PKD1L3: variants seen among roughly 807,000 people sequenced by gnomAD.
PKD1L3 encodes polycystin 1 like 3, transient receptor potential channel interacting, also known as polycystin-1-like protein 3.
In PKD1L3, 239 loss-of-function variants were observed where a neutral mutation model predicts 184.1. That is an observed-to-expected ratio of 1.30 (90% CI 1.17 to 1.45). The LOEUF is 1.45. Ranked by LOEUF, PKD1L3 falls within the 40% of genes most tolerant of loss-of-function variation. The pLI, the probability that PKD1L3 is intolerant of heterozygous loss-of-function variation, is 0.00. For synonymous variants in PKD1L3, 996 were observed against 778.8 expected, an observed-to-expected ratio of 1.28 and a Z score of -4.64; for missense variants, 2,660 against 2,067.2, an observed-to-expected ratio of 1.29 and a Z score of -5.56.
intron 14 of PKD1L3, 111 bp from the exon 15 acceptor site, chr16:71,967,426 G>C: frequency 9.4e-7 from 1 of 1,066,842 alleles, no homozygotes; most frequent in Non-Finnish European, 1.3e-6. Flanking sequence ...CAAGTCTTTC[G>C]GATCTTAGAC....
At chr16:71,975,377 G>GT (rs886673901) in intron 11 of PKD1L3, among the ~76,000 whole-genome samples, 2 of 151,980 alleles carry the variant, frequency 1.3e-5, no homozygotes, top group Non-Finnish European at 2.9e-5. Flanking sequence ...TAACTGTAAT[G>GT]TTATGTCTCA....
chr16:71,949,673 T>C, intron 21 of PKD1L3, 110 bp downstream of exon 21: 1 of 1,034,650 alleles, frequency 9.7e-7, no homozygotes, highest in South Asian at 1.7e-5. Flanking sequence ...ATTTGTTTTT[T>C]GTTGTTTATG....
chr16:71,970,515 A>C (rs1383407697), intron 12 of PKD1L3, among the ~76,000 whole-genome samples: 1 of 152,212 alleles, frequency 6.6e-6, no homozygotes, highest in African/African-American at 2.4e-5. Flanking sequence ...AGCAGTTAAA[A>C]ATGAATGAAT....
At chr16:71,948,281 C>G (rs374487481) in intron 21 of PKD1L3, among the ~76,000 whole-genome samples, 9 of 152,120 alleles carry the variant, frequency 5.9e-5, no homozygotes, top group Non-Finnish European at 1.2e-4. Context: ...CACGGTTTCG[C>G]CATGTTGGCC....
chr16:71,935,243 C>T (rs773389136), intron 26 of PKD1L3, 115 bp downstream of exon 26: 1 of 1,168,308 alleles, frequency 8.6e-7, no homozygotes, highest in Non-Finnish European at 1.2e-6. Context: ...TCTCTTTTAA[C>T]TCTAATGTTA....
rs955608777 is a variant in PKD1L3 at position 71,993,618 on chromosome 16, T to C, written c.419-286A>G. Among the ~76,000 whole-genome samples the C allele has an allele frequency of 4.6e-5, 7 of 152,148 alleles. 1 individual carries two copies. Among genetic ancestry groups the C allele is most frequent in the Non-Finnish European group, 8.8e-5 (6 of 68,030 alleles). ...TTGGAACACTAGGCATGTGGAGTTA[T>C]TTACATCCTACTGCTTAAGGTCATC... On this transcript the variant is annotated intron_variant, in intron 2 of 29. Coordinates refer to ENST00000620267, the MANE Select transcript of PKD1L3 (RefSeq NM_181536.2).
At chr16:71,945,396 A>T (rs1006239614) in intron 22 of PKD1L3, among the ~76,000 whole-genome samples, 4,068 of 41,702 alleles carry the variant, frequency 0.098, 219 homozygotes, top group African/African-American at 0.21. Flanking sequence ...ATATATATAT[A>T]TATTTATTTA....
chr16:71,988,166 G>A (rs889545), intron 4 of PKD1L3, among the ~76,000 whole-genome samples: 4,746 of 152,222 alleles, frequency 0.031, 107 homozygotes, highest in Non-Finnish European at 0.046. Flanking sequence ...AAGCAGATCA[G>A]TAGGAGGCAA....
At chr16:71,943,555 A>AAAAAAAAC (rs2038443746) in intron 23 of PKD1L3, among the ~76,000 whole-genome samples, 2 of 151,666 alleles carry the variant, frequency 1.3e-5, no homozygotes, top group South Asian at 4.2e-4. Context: ...AAAAAAAAAA[A>AAAAAAAAC]AAACATAAAA....
chr16:71,934,203 G>C, intron 26 of PKD1L3, 78 bp from the exon 27 acceptor site: 1 of 1,347,916 alleles, frequency 7.4e-7, no homozygotes, highest in Non-Finnish European at 1.0e-6. Flanking sequence ...CCCTGCTGCT[G>C]ATCGTGGCAG....
At chr16:71,985,951 C>T (rs892216906) in intron 5 of PKD1L3, among the ~76,000 whole-genome samples, 1 of 152,172 alleles carries the variant, frequency 6.6e-6, no homozygotes, top group African/African-American at 2.4e-5. Flanking sequence ...TTTGCTGCTG[C>T]TGAAAAAGCA....
At position 71,979,924 on chromosome 16, in the gene PKD1L3, A is replaced by G; in HGVS notation, c.1272-12T>C. On this transcript the variant is annotated splice_polypyrimidine_tract_variant and intron_variant, in intron 8 of 29. Transcript: ENST00000620267. ...TTGATATGTTTTGTCTAATGAGAAA[A>G]GTTAAAATGGAAGTCAATTTTTGTG... The G allele has an allele frequency of 6.4e-7, 1 of 1,550,800 alleles. No individual in the cohort carries two copies. Among genetic ancestry groups the G allele is most frequent in the South Asian group, 1.2e-5 (1 of 83,726 alleles).
Position 71,947,508 on chromosome 16 carries a change from C to G in PKD1L3, c.3702G>C (p.Arg1234Ser). The G allele has an allele frequency of 6.6e-7, 1 of 1,523,020 alleles. No homozygotes were observed. The highest frequency in any genetic ancestry group is 8.9e-7 in the Non-Finnish European group (1 of 1,129,878). The allele number at this position is 1,523,020 out of a possible 1,614,324, so 94.3% of individuals were successfully genotyped here. A position where few individuals can be genotyped will look rare whatever the true frequency, so the allele number is the denominator to read the frequency against. Reference protein sequence around the residue: ...LNKENEQQTKRILALLAKCSS... With the variant: ...LNKENEQQTKSILALLAKCSS... ...TTGAGTTACCCAAGAGTGCCAAGAT[C>G]CTCTTTGTTTGTTGTTCATTCTCTT... Residue 1234 changes from arginine to serine, a missense_variant, in exon 22 of 30, where the codon AGG (arginine) becomes AGC (serine). By Grantham distance (110) the Arg-to-Ser change is moderately radical. Transcript: ENST00000620267.
At chr16:71,957,371 T>C (rs2143459491) in intron 16 of PKD1L3, among the ~76,000 whole-genome samples, 1 of 152,304 alleles carries the variant, frequency 6.6e-6, no homozygotes, top group East Asian at 1.9e-4. Flanking sequence ...TTAGTAATTA[T>C]ATCAAATGTA....
At chr16:71,992,058 C>T (rs2040609749) in intron 3 of PKD1L3, among the ~76,000 whole-genome samples, 1 of 152,146 alleles carries the variant, frequency 6.6e-6, no homozygotes, top group South Asian at 2.1e-4. Context: ...TGGCCTCAAG[C>T]AGTCCTTCCA....
At position 71,935,324 on chromosome 16, in the gene PKD1L3, A is replaced by C. The variant is rs1408626645; in HGVS notation, c.4613+34T>G. The C allele has an allele frequency of 2.0e-6, 3 of 1,532,796 alleles. No individual in the cohort carries two copies. In the African/African-American group the frequency reaches 4.1e-5, roughly 21 times the overall value. 94.9% of individuals were successfully genotyped at this position (1,532,796 alleles called of 1,614,324 possible). ...AAACAGGAAACTTTAGACATGAGGT[A>C]GGAATATGCTGTGCCCCTCAGGCTT... On this transcript the variant is annotated intron_variant, in intron 26 of 29. Coordinates refer to ENST00000620267, the MANE Select transcript of PKD1L3 (RefSeq NM_181536.2).
At chr16:71,935,894 C>CA (rs1597278440) in intron 25 of PKD1L3, among the ~76,000 whole-genome samples, 1 of 152,174 alleles carries the variant, frequency 6.6e-6, no homozygotes, top group East Asian at 1.9e-4. Context: ...GGCTCAGGCT[C>CA]AAGCAGTCCT....
rs1420860355 is a variant in PKD1L3, at chr16:71,977,473, A to G, written c.1528-6T>C. Reference sequence around the variant, plus strand: ...ACATTTCTCCAGAGCATGATCTAGAATAAGAGACAGTTAATCATTATAATG... The same window carrying G: ...ACATTTCTCCAGAGCATGATCTAGAGTAAGAGACAGTTAATCATTATAATG... On this transcript the variant is annotated splice_polypyrimidine_tract_variant and splice_region_variant and intron_variant, in intron 10 of 29. Transcript: ENST00000620267. 3 of 1,530,280 alleles carry G rather than the reference A, an allele frequency of 2.0e-6. No individual in the cohort carries two copies. Among genetic ancestry groups the G allele is most frequent in the Admixed American group, 2.0e-5 (1 of 50,932 alleles). The allele number at this position is 1,530,280 out of a possible 1,614,324, so 94.8% of individuals were successfully genotyped here. A position where few individuals can be genotyped will look rare whatever the true frequency, so the allele number is the denominator to read the frequency against.
chr16:71,997,605 G>A (rs1395958759), intron 2 of PKD1L3, among the ~76,000 whole-genome samples: 11 of 152,032 alleles, frequency 7.2e-5, no homozygotes, highest in South Asian at 2.1e-4. Context: ...AAAATTAGCC[G>A]GGCATGGTGG....
Sources: gnomAD v4.1 joint callset for allele counts (sites outside exome capture counted in the v4.1 genomes callset) on GRCh38, gnomAD v4.1.1 for gene constraint, MANE v1.5 for transcripts, NCBI Gene and HGNC (gene_info 2026-07-23, HGNC 2026-07-21) for gene names.